The following ITFG1 variants were observed in gnomAD, a reference collection of about 807,000 sequenced individuals.
ITFG1 encodes the protein T-cell immunomodulatory protein.
In ITFG1, 34 loss-of-function variants were observed where a neutral mutation model predicts 81.8. That is an observed-to-expected ratio of 0.42 (90% confidence interval 0.32 to 0.55). The LOEUF is 0.55. Among genes scored for constraint, ITFG1 ranks in the 20% least tolerant of loss-of-function variants. The pLI is 0.17. For missense variants in ITFG1, 672 were observed against 755.4 expected (o/e 0.89, Z 1.29); for synonymous variants, 285 against 270.6 (o/e 1.05, Z -0.52).
intron 6 of ITFG1, chr16:47,396,314 A>T: frequency 5.5e-6 from 1 of 180,304 alleles, no homozygotes; most frequent in Non-Finnish European, 1.1e-5. Flanking sequence ...GGGAGGAAGT[A>T]GAGGGGGAGG....
Position 47,181,137 on chromosome 16 carries a change from G to A in ITFG1, c.1454-18473C>T, listed in dbSNP as rs546753072. On this transcript the variant is annotated intron_variant, in intron 14 of 17. Transcript: ENST00000320640. ...GCCCATCGTCTGAGATGTGGGGAGC[G>A]CCGCTGCCCCACCGCCCCATCTGGG... Among the ~76,000 whole-genome samples the A allele has an allele frequency of 3.5e-5, 5 of 143,092 alleles. No individual in the cohort carries two copies. In the South Asian group the frequency reaches 9.1e-4, roughly 26 times the overall value. The allele number at this position is 143,092 out of a possible 152,430, so 93.9% of individuals were successfully genotyped here.
At chr16:47,313,902 G>A in intron 8 of ITFG1, 79 bp from the exon 9 acceptor site, 1 of 721,612 alleles carries the variant, frequency 1.4e-6, no homozygotes, top group South Asian at 2.1e-5. Context: ...TTTACTATTT[G>A]TTCAAAGTCT....
intron 13 of ITFG1, among the ~76,000 whole-genome samples, chr16:47,223,639 T>C (rs1358236296): frequency 3.9e-5 from 6 of 152,118 alleles, no homozygotes; most frequent in East Asian, 1.9e-4. Context: ...AGTTCAACCA[T>C]TGTGGAAGTC....
chr16:47,458,781 C>T (rs926890348), intron 2 of ITFG1, among the ~76,000 whole-genome samples: 1 of 152,040 alleles, frequency 6.6e-6, no homozygotes, highest in Non-Finnish European at 1.5e-5. Context: ...AATGAGACTA[C>T]TGTGAGTGAC....
At chr16:47,305,963 A>C (rs1021119440) in intron 10 of ITFG1, among the ~76,000 whole-genome samples, 1 of 152,184 alleles carries the variant, frequency 6.6e-6, no homozygotes, top group African/African-American at 2.4e-5. Flanking sequence ...AGCTAAGTGT[A>C]AATAACTGTA....
At chr16:47,251,175 A>T (rs1420455966) in intron 12 of ITFG1, among the ~76,000 whole-genome samples, 1 of 152,228 alleles carries the variant, frequency 6.6e-6, no homozygotes, top group East Asian at 1.9e-4. Flanking sequence ...GTTCAGACTC[A>T]GAGAGCCTGT....
chr16:47,268,867 T>C (rs1966306848), intron 10 of ITFG1, among the ~76,000 whole-genome samples: 1 of 152,140 alleles, frequency 6.6e-6, no homozygotes, highest in Non-Finnish European at 1.5e-5. Context: ...CAAAAATAAA[T>C]CAGTGTAATT....
intron 6 of ITFG1, among the ~76,000 whole-genome samples, chr16:47,386,688 C>T (rs1478114311): frequency 1.3e-5 from 2 of 152,178 alleles, no homozygotes; most frequent in Admixed American, 1.3e-4. Context: ...GTGTTCTGAT[C>T]CTAAAGCAGG....
At chr16:47,407,127 A>G (rs1968739100) in intron 6 of ITFG1, among the ~76,000 whole-genome samples, 1 of 152,166 alleles carries the variant, frequency 6.6e-6, no homozygotes, top group Non-Finnish European at 1.5e-5. Flanking sequence ...AGATTTTGGG[A>G]AGAGTCATTT....
intron 13 of ITFG1, among the ~76,000 whole-genome samples, chr16:47,234,403 C>G (rs1219809904): frequency 6.6e-6 from 1 of 152,080 alleles, no homozygotes; most frequent in Non-Finnish European, 1.5e-5. Flanking sequence ...AAGAAAGAAT[C>G]AGTTAAGCTT....
At chr16:47,173,373 T>C (rs531070048) in intron 14 of ITFG1, among the ~76,000 whole-genome samples, 1 of 152,314 alleles carries the variant, frequency 6.6e-6, no homozygotes, top group South Asian at 2.1e-4. Context: ...TTCTGTATTC[T>C]AAGACCCTAG....
intron 6 of ITFG1, among the ~76,000 whole-genome samples, chr16:47,387,366 A>G (rs961018088): frequency 2.6e-4 from 40 of 152,366 alleles, no homozygotes; most frequent in African/African-American, 8.4e-4. Flanking sequence ...AAGTTGCTAC[A>G]GTATATTATT....
chr16:47,374,461 G>T (rs748998788), intron 7 of ITFG1, among the ~76,000 whole-genome samples: 1 of 151,952 alleles, frequency 6.6e-6, no homozygotes, highest in East Asian at 1.9e-4. Flanking sequence ...GATACTTAAG[G>T]GTGTTTCATT....
chr16:47,166,030 G>A (rs771022183), intron 14 of ITFG1, among the ~76,000 whole-genome samples: 5 of 152,184 alleles, frequency 3.3e-5, no homozygotes, highest in Admixed American at 2.0e-4. Flanking sequence ...GGTCAGATAT[G>A]CCTCATTATA....
intron 14 of ITFG1, among the ~76,000 whole-genome samples, chr16:47,206,098 T>C (rs1302160542): frequency 6.6e-6 from 1 of 152,144 alleles, no homozygotes; most frequent in Non-Finnish European, 1.5e-5. Flanking sequence ...ACTCCTGACC[T>C]CAAGTGATCC....
At chr16:47,298,944 G>A (rs1157758638) in intron 10 of ITFG1, among the ~76,000 whole-genome samples, 1 of 152,084 alleles carries the variant, frequency 6.6e-6, no homozygotes, top group Non-Finnish European at 1.5e-5. Context: ...GGATGGGGTG[G>A]TAAAGCTGAG....
intron 14 of ITFG1, among the ~76,000 whole-genome samples, chr16:47,173,468 T>C (rs1225398580): frequency 6.6e-6 from 1 of 152,150 alleles, no homozygotes; most frequent in Non-Finnish European, 1.5e-5. Flanking sequence ...TCCAAATGTG[T>C]CAGACCTAAC....
intron 6 of ITFG1, among the ~76,000 whole-genome samples, chr16:47,405,013 C>G (rs894606476): frequency 6.6e-6 from 1 of 151,896 alleles, no homozygotes; most frequent in Non-Finnish European, 1.5e-5. Flanking sequence ...CACTTTGGAA[C>G]TCAATTCATG....
chr16:47,412,872 T>C (rs1015155569), intron 6 of ITFG1, among the ~76,000 whole-genome samples: 2 of 152,128 alleles, frequency 1.3e-5, no homozygotes, highest in Non-Finnish European at 2.9e-5. Flanking sequence ...TGCGCTTTTA[T>C]AAAGAAACAA....
Sources: gnomAD v4.1 joint callset for allele counts (sites outside exome capture counted in the v4.1 genomes callset) on GRCh38, gnomAD v4.1.1 for gene constraint, MANE v1.5 for transcripts, NCBI Gene and HGNC (gene_info 2026-07-23, HGNC 2026-07-21) for gene names.